The following PCSK5 variants were observed in gnomAD, a reference collection of about 807,000 sequenced individuals.
PCSK5 encodes the protein proprotein convertase subtilisin/kexin type 5, also known as prohormone convertase 5.
Under a neutral mutation model 233.2 loss-of-function variants are expected in PCSK5, and 129 were observed. That is an observed-to-expected ratio of 0.55 (90% CI 0.48 to 0.64). PCSK5 has a LOEUF of 0.64. Among genes scored for constraint, PCSK5 ranks in the 30% least tolerant of loss-of-function variants. The pLI is 0.00. For missense variants in PCSK5, 2,076 were observed against 2,430.1 expected (o/e 0.85, Z 3.06); for synonymous variants, 825 against 879.2 (o/e 0.94, Z 1.09).
chr9:76,183,615 T>G (rs1171032439), intron 16 of PCSK5, among the ~76,000 whole-genome samples: 1 of 152,248 alleles, frequency 6.6e-6, no homozygotes, highest in Admixed American at 6.5e-5. Context: ...ATTCTATGCA[T>G]GTGCAGTGTT....
chr9:76,207,418 A>G (rs1314354724), intron 20 of PCSK5, among the ~76,000 whole-genome samples: 1 of 152,204 alleles, frequency 6.6e-6, no homozygotes, highest in African/African-American at 2.4e-5. Context: ...CACTGAATAA[A>G]TGTCCGCTGG....
At position 76,295,401 on chromosome 9, in the gene PCSK5, C is replaced by T; in HGVS notation, c.3312C>T (p.Phe1104=). The change falls in exon 26 of 38, where the codon TTC becomes TTT. Residue 1104 remains phenylalanine (F), a synonymous_variant. Transcript: ENST00000674117. ...QNGCYWCEEG[F]FLLGGSCVRK... The stretch of plus-strand genomic sequence containing the variant: ...GGTGTTACTGGTGTGAAGAGGGCTT[C>T]TTTCTCTTAGGTAAGTTAGAAAATG... 3 of 1,612,414 alleles carry T rather than the reference C, an allele frequency of 1.9e-6. No individual in the cohort carries two copies. The highest frequency in any genetic ancestry group is 2.5e-6 in the Non-Finnish European group (3 of 1,179,724).
chr9:75,919,438 C>T (rs1364686824), intron 1 of PCSK5, among the ~76,000 whole-genome samples: 8 of 152,028 alleles, frequency 5.3e-5, no homozygotes, highest in Non-Finnish European at 8.8e-5. Flanking sequence ...TTTGAGTGAA[C>T]GTTAAGTTTT....
intron 24 of PCSK5, among the ~76,000 whole-genome samples, chr9:76,246,456 A>G (rs550853692): frequency 1.3e-5 from 2 of 152,022 alleles, no homozygotes; most frequent in Admixed American, 1.3e-4. Flanking sequence ...GAAAGCAATC[A>G]CCACTGTTAT....
chr9:75,999,541 T>C (rs1351938034), intron 3 of PCSK5, among the ~76,000 whole-genome samples: 1 of 152,230 alleles, frequency 6.6e-6, no homozygotes, highest in Non-Finnish European at 1.5e-5. Context: ...GTTGGGCTAG[T>C]TAATTGCAGC....
intron 24 of PCSK5, among the ~76,000 whole-genome samples, chr9:76,275,403 C>T (rs942026429): frequency 1.3e-5 from 2 of 151,964 alleles, no homozygotes; most frequent in South Asian, 4.2e-4. Context: ...TGTTTGTTTG[C>T]TTCTTTGGTT....
intron 20 of PCSK5, among the ~76,000 whole-genome samples, chr9:76,213,054 A>G (rs1825389089): frequency 6.6e-6 from 1 of 152,236 alleles, no homozygotes; most frequent in Non-Finnish European, 1.5e-5. Flanking sequence ...GGAGCAGAGA[A>G]CTAGGCAGGA....
chr9:76,040,620 A>G (rs1829077367), intron 5 of PCSK5, among the ~76,000 whole-genome samples: 1 of 152,128 alleles, frequency 6.6e-6, no homozygotes, highest in East Asian at 1.9e-4. Context: ...AGTAAAATTG[A>G]AGGCAGGCTC....
intron 35 of PCSK5, among the ~76,000 whole-genome samples, chr9:76,339,989 T>C (rs980553363): frequency 4.6e-5 from 7 of 152,212 alleles, no homozygotes; most frequent in African/African-American, 1.7e-4. Context: ...TGTTCTTTCA[T>C]TCCTCTATTG....
At chr9:76,063,476 G>GCCTT (rs1187632893) in intron 5 of PCSK5, among the ~76,000 whole-genome samples, 2 of 98,892 alleles carry the variant, frequency 2.0e-5, no homozygotes, top group Non-Finnish European at 4.0e-5. Context: ...GGACCCTGCG[G>GCCTT]CCTTCCGCAG....
rs71372041 is a variant in PCSK5, at chr9:76,046,160, GTTTTTTTTTTTTTTTTTTTTTTT to G, written c.632+19136_632+19158del. 6.9e-5 allele frequency among the ~76,000 whole-genome samples: 4 copies of G among 58,040 alleles called. No individual in the cohort carries two copies. The South Asian group carries it at 2.5e-3, about 37-fold the overall frequency. 38.1% of individuals were successfully genotyped at this position (58,040 alleles called of 152,430 possible). On this transcript the variant is annotated intron_variant, in intron 5 of 37. Coordinates refer to ENST00000674117, the MANE Select transcript of PCSK5 (RefSeq NM_001372043.1). ...GCATTAACACATAATTTTTTCTTTT[GTTTTTTTTTTTTTTTTTTTTTTT>G]TTTTTTTTTTTTGAGACGGAGTCTC...
intron 1 of PCSK5, among the ~76,000 whole-genome samples, chr9:75,927,977 A>G (rs938451225): frequency 3.3e-5 from 5 of 152,322 alleles, no homozygotes; most frequent in Non-Finnish European, 5.9e-5. Flanking sequence ...CTTTGGTTCT[A>G]GAAAGGATAG....
intron 5 of PCSK5, among the ~76,000 whole-genome samples, chr9:76,048,817 C>T (rs1342752136): frequency 6.6e-6 from 1 of 152,072 alleles, no homozygotes; most frequent in African/African-American, 2.4e-5. Context: ...GTATTCTTTC[C>T]AATGGTTATT....
rs528930543 is a variant in PCSK5, at chr9:76,064,654, C to T, written c.633-3301C>T. 5.7e-3 allele frequency among the ~76,000 whole-genome samples: 836 copies of T among 146,980 alleles called. 9 individuals carry two copies. Among genetic ancestry groups the T allele is most frequent in the Middle Eastern group, 0.011 (3 of 270 alleles). ...GCGGAGGGGCTCCTCACTTCTCAGACGGGGTGGTTGCCAGGCAGAGGGTCT... is the reference window on the plus strand; with the variant it reads ...GCGGAGGGGCTCCTCACTTCTCAGATGGGGTGGTTGCCAGGCAGAGGGTCT... On this transcript the variant is annotated intron_variant, in intron 5 of 37. Transcript: ENST00000674117.
chr9:76,146,844 A>G (rs889849474), intron 10 of PCSK5, among the ~76,000 whole-genome samples: 7 of 152,170 alleles, frequency 4.6e-5, no homozygotes, highest in African/African-American at 1.7e-4. Context: ...CATGTTCATG[A>G]GACCTAGTTT....
chr9:76,173,767 GT>G (rs1823447679), intron 13 of PCSK5, among the ~76,000 whole-genome samples: 1 of 151,802 alleles, frequency 6.6e-6, no homozygotes, highest in African/African-American at 2.4e-5. Context: ...GAGGTCAGGA[GT>G]TCAAGACCAG....
At chr9:76,244,106 G>A (rs888458156) in intron 24 of PCSK5, among the ~76,000 whole-genome samples, 2 of 152,220 alleles carry the variant, frequency 1.3e-5, no homozygotes, top group South Asian at 4.2e-4. Flanking sequence ...TGCACCTGTG[G>A]TCCCAGCTAC....
intron 2 of PCSK5, among the ~76,000 whole-genome samples, chr9:75,948,352 G>A (rs1369255268): frequency 3.6e-5 from 4 of 111,900 alleles, no homozygotes; most frequent in Non-Finnish European, 5.0e-5. Context: ...GATGTTCCCC[G>A]CTCTGTGTCC....
At chr9:76,079,416 G>A (rs1830756844) in intron 7 of PCSK5, among the ~76,000 whole-genome samples, 1 of 152,106 alleles carries the variant, frequency 6.6e-6, no homozygotes, top group African/African-American at 2.4e-5. Flanking sequence ...GGGATTACAG[G>A]CATGAGCCAC....
Sources: allele counts gnomAD v4.1 joint callset (sites outside exome capture counted in the v4.1 genomes callset), GRCh38; gene constraint gnomAD v4.1.1; transcripts MANE v1.5; gene names NCBI Gene and HGNC (gene_info 2026-07-23, HGNC 2026-07-21).